Variants in SDK1 observed in about 807,000 individuals in gnomAD.
SDK1 encodes sidekick cell adhesion molecule 1, also known as protein sidekick-1.
Under a neutral mutation model 245.5 loss-of-function variants are expected in SDK1, and 157 were observed. The ratio of observed to expected loss-of-function variants is 0.64; its 90% CI spans 0.56 to 0.73. The LOEUF is 0.73. Among genes scored for constraint, SDK1 ranks in the 30% least tolerant of loss-of-function variants. The pLI, the probability that SDK1 is intolerant of heterozygous loss-of-function variation, is 0.00. For synonymous variants in SDK1, 1,647 were observed against 1,278.5 expected (o/e 1.29, Z -6.15); for missense variants, 3,583 against 3,002.3 (o/e 1.19, Z -4.52).
At chr7:3,416,250 A>G (rs968921866) in intron 1 of SDK1, among the ~76,000 whole-genome samples, 13 of 152,166 alleles carry the variant, frequency 8.5e-5, no homozygotes, top group Non-Finnish European at 4.4e-5. Flanking sequence ...TGATCAGATT[A>G]GGAAGTCATA....
intron 1 of SDK1, among the ~76,000 whole-genome samples, chr7:3,398,030 G>A (rs1392930628): frequency 6.6e-6 from 1 of 152,090 alleles, no homozygotes; most frequent in Non-Finnish European, 1.5e-5. Flanking sequence ...AACTGAAGTA[G>A]TAAATAGGTC....
chr7:3,978,029 G>A (rs946245164), intron 13 of SDK1, among the ~76,000 whole-genome samples: 6 of 151,980 alleles, frequency 3.9e-5, no homozygotes, highest in African/African-American at 1.5e-4. Flanking sequence ...AGTACCCAAA[G>A]CCCTCATCCA....
chr7:3,660,228 A>G (rs1423501797), intron 4 of SDK1, among the ~76,000 whole-genome samples: 1 of 152,106 alleles, frequency 6.6e-6, no homozygotes, highest in Non-Finnish European at 1.5e-5. Context: ...GGGTAGAGAA[A>G]TAAGACACCC....
At chr7:3,342,530 G>A (rs1780375396) in intron 1 of SDK1, among the ~76,000 whole-genome samples, 1 of 152,096 alleles carries the variant, frequency 6.6e-6, no homozygotes, top group Non-Finnish European at 1.5e-5. Context: ...GGAGGTTGCG[G>A]TGAGCCGAGA....
At chr7:3,479,848 C>T (rs368602933) in intron 1 of SDK1, among the ~76,000 whole-genome samples, 35 of 146,478 alleles carry the variant, frequency 2.4e-4, no homozygotes, top group African/African-American at 7.1e-4. Context: ...GGCATCAGAG[C>T]GAGAGTCCAT....
At chr7:4,006,571 C>G (rs1032455730) in intron 14 of SDK1, among the ~76,000 whole-genome samples, 13 of 152,174 alleles carry the variant, frequency 8.5e-5, no homozygotes, top group Non-Finnish European at 1.6e-4. Flanking sequence ...AATTCCAGAG[C>G]TTGAGAATGA....
intron 4 of SDK1, among the ~76,000 whole-genome samples, chr7:3,771,608 C>T (rs1429877479): frequency 2.0e-5 from 3 of 152,080 alleles, no homozygotes; most frequent in African/African-American, 7.2e-5. Context: ...TTTTTGAAGC[C>T]ATCCATCATG....
chr7:3,697,474 C>T (rs1784608504), intron 4 of SDK1, among the ~76,000 whole-genome samples: 1 of 152,240 alleles, frequency 6.6e-6, no homozygotes, highest in South Asian at 2.1e-4. Flanking sequence ...GAAGTTGGTG[C>T]GAGGCCTTGA....
chr7:3,445,890 T>C (rs541232865), intron 1 of SDK1, among the ~76,000 whole-genome samples: 7 of 152,242 alleles, frequency 4.6e-5, no homozygotes, highest in African/African-American at 1.7e-4. Flanking sequence ...TATTCTCTTA[T>C]CACTTTTGTT....
intron 1 of SDK1, among the ~76,000 whole-genome samples, chr7:3,415,506 A>C (rs1432019835): frequency 6.6e-6 from 1 of 152,052 alleles, no homozygotes; most frequent in Non-Finnish European, 1.5e-5. Flanking sequence ...TGAGTGAATA[A>C]GTGAGTTGAT....
intron 1 of SDK1, among the ~76,000 whole-genome samples, chr7:3,516,737 CTA>C (rs1021632840): frequency 6.6e-5 from 10 of 152,104 alleles, no homozygotes; most frequent in African/African-American, 2.2e-4. Flanking sequence ...GTGAAGAACT[CTA>C]TTGTTTGACA....
intron 5 of SDK1, among the ~76,000 whole-genome samples, chr7:3,829,874 C>A (rs1779871861): frequency 6.6e-6 from 1 of 152,154 alleles, no homozygotes; most frequent in Non-Finnish European, 1.5e-5. Flanking sequence ...TTTTGCAACC[C>A]CAGTGAGGCA....
chr7:3,636,794 A>G (rs1378479555), intron 2 of SDK1, among the ~76,000 whole-genome samples: 1 of 152,204 alleles, frequency 6.6e-6, no homozygotes, highest in Non-Finnish European at 1.5e-5. Flanking sequence ...GGCTACACCA[A>G]CTTACATTCC....
chr7:3,967,300 AT>A lies in SDK1; in HGVS notation c.1430-15del, dbSNP rs776234038. 9.4e-6 allele frequency: 15 copies of A among 1,593,822 alleles called. No homozygotes were observed. Among genetic ancestry groups the A allele is most frequent in the Non-Finnish European group, 1.3e-5 (15 of 1,161,592 alleles). On this transcript the variant is annotated splice_polypyrimidine_tract_variant and intron_variant, in intron 9 of 44. Coordinates refer to ENST00000404826, the MANE Select transcript of SDK1 (RefSeq NM_152744.4). ...TCAGGAACAAGGCCCTGATCATTTCATTTACTCCTCTTCTCAGATATCGCTC... is the reference window on the plus strand; with the variant it reads ...TCAGGAACAAGGCCCTGATCATTTCATTACTCCTCTTCTCAGATATCGCTC...
chr7:3,854,101 A>T (rs1024259235), intron 5 of SDK1, among the ~76,000 whole-genome samples: 4 of 152,160 alleles, frequency 2.6e-5, no homozygotes, highest in African/African-American at 9.7e-5. Flanking sequence ...AGTATGGAAT[A>T]GGGGTTATAA....
chr7:3,433,642 G>A (rs1271125010), intron 1 of SDK1, among the ~76,000 whole-genome samples: 1 of 152,128 alleles, frequency 6.6e-6, no homozygotes, highest in Non-Finnish European at 1.5e-5. Context: ...GTTAATCTTT[G>A]TATGGCAGGC....
intron 1 of SDK1, among the ~76,000 whole-genome samples, chr7:3,333,414 A>G (rs1398152165): frequency 6.6e-6 from 1 of 152,164 alleles, no homozygotes; most frequent in Admixed American, 6.5e-5. Flanking sequence ...TAATGAGGTC[A>G]AAGAGGTTTC....
chr7:3,683,897 C>G (rs1784192966), intron 4 of SDK1, among the ~76,000 whole-genome samples: 1 of 152,144 alleles, frequency 6.6e-6, no homozygotes, highest in South Asian at 2.1e-4. Flanking sequence ...AAATTGTGGC[C>G]TAGTAACAAA....
chr7:3,484,194 G>A (rs561886409), intron 1 of SDK1, among the ~76,000 whole-genome samples: 45 of 152,214 alleles, frequency 3.0e-4, no homozygotes, highest in African/African-American at 8.9e-4. Flanking sequence ...CCAAACCCAC[G>A]GATACAAAAT....
Sources: allele counts gnomAD v4.1 joint callset (sites outside exome capture counted in the v4.1 genomes callset), GRCh38; gene constraint gnomAD v4.1.1; transcripts MANE v1.5; gene names NCBI Gene and HGNC (gene_info 2026-07-23, HGNC 2026-07-21).